ADORA2B: variants seen among roughly 807,000 people sequenced by gnomAD.
The protein encoded by ADORA2B is adenosine A2b receptor.
A neutral mutation model predicts 20.8 loss-of-function variants in ADORA2B; 18 were observed. The observed-to-expected ratio is 0.87, with a 90% confidence interval of 0.60 to 1.29. The LOEUF (loss-of-function observed/expected upper bound fraction) is 1.29, where lower values mean the gene tolerates loss of function less well. Among genes scored for constraint, ADORA2B ranks in the 50% most tolerant of loss-of-function variants. ADORA2B has a pLI of 0.00. For missense variants in ADORA2B, 441 were observed against 422.7 expected, an observed-to-expected ratio of 1.04 and a Z score of -0.38; for synonymous variants, 179 against 178.3, an observed-to-expected ratio of 1.00 and a Z score of -0.03.
chr17:15,942,204 G>A (rs1969751373), upstream of ADORA2B, among the ~76,000 whole-genome samples: 1 of 152,120 alleles, frequency 6.6e-6, no homozygotes, highest in Non-Finnish European at 1.5e-5. Flanking sequence ...TGGAAGCAGT[G>A]GAGCAGTTTC....
the ADORA2B span, among the ~76,000 whole-genome samples, chr17:15,912,383 T>TA: frequency 2.1e-4 from 27 of 130,736 alleles, no homozygotes; most frequent in African/African-American, 8.6e-4. Context: ...CTGTATCAAA[T>TA]TAAAAAAAAA....
At chr17:15,898,881 A>G in the ADORA2B span, among the ~76,000 whole-genome samples, 2 of 152,152 alleles carry the variant, frequency 1.3e-5, no homozygotes, top group Admixed American at 1.3e-4. Context: ...CAACAACGAA[A>G]TAGAAATTTC....
chr17:15,975,391 A>G lies in ADORA2B; in HGVS notation c.*49A>G, dbSNP rs1405414028. 6.4e-7 allele frequency: 1 copy of G among 1,558,744 alleles called. No homozygotes were observed. Among genetic ancestry groups the G allele is most frequent in the Non-Finnish European group, 8.7e-7 (1 of 1,150,820 alleles). ...AGAAGATACAAATCCACAAGAAACA[A>G]AGAGGACACGGCTGGTTTTCATTGT... On this transcript the variant is annotated 3_prime_UTR_variant, in exon 2 of 2. Transcript: ENST00000304222.
upstream of ADORA2B, among the ~76,000 whole-genome samples, chr17:15,942,249 G>A (rs1437862818): frequency 6.6e-6 from 1 of 152,038 alleles, no homozygotes; most frequent in African/African-American, 2.4e-5. Context: ...TTTTAGTGCT[G>A]TCCTCATGAT....
intron 1 of ADORA2B, among the ~76,000 whole-genome samples, chr17:15,966,762 G>A (rs1970122863): frequency 6.6e-6 from 1 of 152,208 alleles, no homozygotes; most frequent in Admixed American, 6.5e-5. Flanking sequence ...CTGTTGTGTG[G>A]GCCTGCAAAG....
chr17:15,852,851 G>A, the ADORA2B span, among the ~76,000 whole-genome samples: 6 of 152,120 alleles, frequency 3.9e-5, no homozygotes, highest in African/African-American at 1.4e-4. Flanking sequence ...TAGAGAAAAG[G>A]ACATAAGAGC....
At chr17:15,934,518 C>T in the ADORA2B span, among the ~76,000 whole-genome samples, 1 of 152,132 alleles carries the variant, frequency 6.6e-6, no homozygotes, top group Non-Finnish European at 1.5e-5. Flanking sequence ...GCCACCGCGC[C>T]CGACCTCTAT....
At chr17:15,950,481 T>C (rs1049920634) in intron 1 of ADORA2B, among the ~76,000 whole-genome samples, 2 of 152,178 alleles carry the variant, frequency 1.3e-5, no homozygotes, top group African/African-American at 4.8e-5. Context: ...TGCCACTTGT[T>C]ACCAGGATGC....
chr17:15,894,463 C>T, the ADORA2B span, among the ~76,000 whole-genome samples: 6 of 152,184 alleles, frequency 3.9e-5, no homozygotes, highest in Admixed American at 2.6e-4. Flanking sequence ...TTGGTGTGGT[C>T]AAGGACATGG....
At chr17:15,935,785 A>T in the ADORA2B span, among the ~76,000 whole-genome samples, 1 of 150,764 alleles carries the variant, frequency 6.6e-6, no homozygotes, top group East Asian at 1.9e-4. Context: ...TGACCAGTGC[A>T]TTCAAGTTCA....
chr17:15,886,164 C>T, the ADORA2B span, among the ~76,000 whole-genome samples: 1 of 152,196 alleles, frequency 6.6e-6, no homozygotes, highest in Non-Finnish European at 1.5e-5. Flanking sequence ...CTCTCAGTGC[C>T]ATTAAGTGAG....
At chr17:15,890,174 A>G in the ADORA2B span, among the ~76,000 whole-genome samples, 12 of 129,602 alleles carry the variant, frequency 9.3e-5, 3 homozygotes, top group Middle Eastern at 7.4e-3. Context: ...CATTAATCCT[A>G]TGGATAAAGA....
chr17:15,887,179 C>T, the ADORA2B span, among the ~76,000 whole-genome samples: 2 of 130,200 alleles, frequency 1.5e-5, no homozygotes, highest in Non-Finnish European at 3.2e-5. Context: ...ATCTCTGGGA[C>T]GCAGCCGTCC....
At chr17:15,867,411 G>A in the ADORA2B span, among the ~76,000 whole-genome samples, 2 of 151,712 alleles carry the variant, frequency 1.3e-5, no homozygotes, top group Admixed American at 1.3e-4. Flanking sequence ...CATCTGGGAT[G>A]TGAGGAGTGT....
chr17:15,922,961 G>A, the ADORA2B span, among the ~76,000 whole-genome samples: 1 of 152,216 alleles, frequency 6.6e-6, no homozygotes, highest in South Asian at 2.1e-4. Flanking sequence ...TTCTGTTTGT[G>A]TTCCTTTTTC....
the ADORA2B span, among the ~76,000 whole-genome samples, chr17:15,902,857 T>A: frequency 6.3e-3 from 952 of 152,272 alleles, 6 homozygotes; most frequent in Middle Eastern, 0.027. Flanking sequence ...CCTTGTCAGA[T>A]GAACAGTGCA....
chr17:15,877,964 C>G, the ADORA2B span, among the ~76,000 whole-genome samples: 1 of 152,132 alleles, frequency 6.6e-6, no homozygotes, highest in East Asian at 1.9e-4. Flanking sequence ...TATTTTCTTT[C>G]CTGTTTTCTT....
chr17:15,898,802 G>T, the ADORA2B span, among the ~76,000 whole-genome samples: 1,738 of 152,300 alleles, frequency 0.011, 30 homozygotes, highest in African/African-American at 0.04. Context: ...GTGAGGAGCT[G>T]CTGACACACA....
chr17:15,937,979 C>T, the ADORA2B span, among the ~76,000 whole-genome samples: 3 of 152,200 alleles, frequency 2.0e-5, no homozygotes, highest in Non-Finnish European at 4.4e-5. Context: ...ACATTTCAGG[C>T]AACTGCGGTT....
Sources: gnomAD v4.1 joint callset for allele counts (sites outside exome capture counted in the v4.1 genomes callset) on GRCh38, gnomAD v4.1.1 for gene constraint, MANE v1.5 for transcripts, NCBI Gene and HGNC (gene_info 2026-07-23, HGNC 2026-07-21) for gene names.